Variants in RDH5 observed in about 807,000 individuals in gnomAD.
RDH5 encodes retinol dehydrogenase 5.
Under a neutral mutation model 24.0 loss-of-function variants are expected in RDH5, and 25 were observed. The observed-to-expected ratio is 1.04, with a 90% confidence interval of 0.76 to 1.46. The LOEUF (loss-of-function observed/expected upper bound fraction) is 1.46, where lower values mean the gene tolerates loss of function less well. Among genes scored for constraint, RDH5 ranks in the 40% most tolerant of loss-of-function variants. The pLI, the probability that RDH5 is intolerant of heterozygous loss-of-function variation, is 0.00. For missense variants in RDH5, 369 were observed against 410.3 expected (o/e 0.90, Z 0.87); for synonymous variants, 170 against 175.2 (o/e 0.97, Z 0.23).
intron 3 of RDH5, chr12:55,723,673 C>G (rs1355891168): frequency 8.6e-6 from 5 of 579,460 alleles, no homozygotes; most frequent in Non-Finnish European, 1.5e-5. Context: ...AAGAAAAAAA[C>G]GTGCTGACCC....
chr12:55,723,889 G>A lies in RDH5; in HGVS notation c.573G>A (p.Arg191=). The change falls in exon 4 of 5, where the codon CGG becomes CGA. Residue 191 remains arginine (R), a synonymous_variant. Transcript: ENST00000257895. ...GLEAFSDSLR[R]DVAHFGIRVS... Reference sequence around the variant, plus strand: ...CTTCGCTCTGCCCCGACTCTAGGCGGGATGTAGCTCATTTTGGGATACGAG... The same window carrying A: ...CTTCGCTCTGCCCCGACTCTAGGCGAGATGTAGCTCATTTTGGGATACGAG... 1.2e-6 allele frequency: 2 copies of A among 1,613,814 alleles called. No individual in the cohort carries two copies. Among genetic ancestry groups the A allele is most frequent in the Non-Finnish European group, 1.7e-6 (2 of 1,180,036 alleles).
At position 55,723,890 on chromosome 12, in the gene RDH5, G is replaced by T. The variant is rs1877057534; in HGVS notation, c.574G>T (p.Asp192Tyr). ...TTCGCTCTGCCCCGACTCTAGGCGG[G>T]ATGTAGCTCATTTTGGGATACGAGT... ...LEAFSDSLRRDVAHFGIRVSI... is the reference protein window; with the variant it reads ...LEAFSDSLRRYVAHFGIRVSI... The change falls in exon 4 of 5, where the codon GAT becomes TAT. Residue 192 changes from aspartate to tyrosine, a missense_variant. Coordinates refer to ENST00000257895, the MANE Select transcript of RDH5 (RefSeq NM_002905.5). The T allele has an allele frequency of 1.2e-6, 2 of 1,613,720 alleles. No homozygotes were observed. The highest frequency in any genetic ancestry group is 1.3e-5 in the African/African-American group (1 of 74,926).
rs151104839 is a variant in RDH5, at chr12:55,721,482, G to A, written c.298G>A (p.Val100Ile). 1.4e-4 allele frequency: 229 copies of A among 1,608,496 alleles called. 1 individual carries two copies. The highest frequency in any genetic ancestry group is 1.3e-3 in the African/African-American group (99 of 75,058). Residue 100 changes from valine (V) to isoleucine (I), a missense_variant, in exon 2 of 5, where the codon GTT (valine) becomes ATT (isoleucine). Val to Ile is a conservative substitution (Grantham distance 29). Transcript: ENST00000257895. The surrounding 1 kb of genome is among the most constrained non-coding windows in gnomAD (Gnocchi z 4.7). ...QQAAKWVEMH[V>I]KEAGLFGLVN... ...GGCAGCCAAGTGGGTGGAGATGCACGTTAAGGAAGCAGGTAAGTATGGTAG... is the reference window on the plus strand; with the variant it reads ...GGCAGCCAAGTGGGTGGAGATGCACATTAAGGAAGCAGGTAAGTATGGTAG...
Position 55,724,620 on chromosome 12 carries a change from C to T in RDH5, c.*75C>T. ...TATTTCTGCCCCCACCCTGGTACTG[C>T]CTGGTGCCTGCCACAAAATAAGCAC... On this transcript the variant is annotated 3_prime_UTR_variant, in exon 5 of 5. Transcript: ENST00000257895. The T allele has an allele frequency of 1.5e-6, 2 of 1,316,248 alleles. No homozygotes were observed. Among genetic ancestry groups the T allele is most frequent in the Non-Finnish European group, 2.2e-6 (2 of 927,538 alleles). The allele number at this position is 1,316,248 out of a possible 1,614,324, so 81.5% of individuals were successfully genotyped here.
At position 55,721,654 on chromosome 12, in the gene RDH5, C is replaced by A. The variant is rs775619322; in HGVS notation, c.311-35C>A. On this transcript the variant is annotated intron_variant, in intron 2 of 4. Transcript: ENST00000257895. This position sits in a 1 kb window ranked among gnomAD's most constrained non-coding sequence, Gnocchi z 4.7. ...AGAAGAGGGAGCTGTGGGAGTGCCTCACCTACCCCCAGCATCCTTTTCATC... is the reference window on the plus strand; with the variant it reads ...AGAAGAGGGAGCTGTGGGAGTGCCTAACCTACCCCCAGCATCCTTTTCATC... The A allele has an allele frequency of 2.5e-6, 4 of 1,603,902 alleles. No individual in the cohort carries two copies. The highest frequency in any genetic ancestry group is 3.4e-6 in the Non-Finnish European group (4 of 1,179,810).
chr12:55,722,211 G>A (rs1003851537), intron 3 of RDH5: 6 of 400,716 alleles, frequency 1.5e-5, no homozygotes, highest in Non-Finnish European at 2.3e-5. Context: ...GTGCAGTGGC[G>A]CGATCTTGGC....
intron 3 of RDH5, chr12:55,722,230 A>C: frequency 5.9e-6 from 2 of 341,180 alleles, no homozygotes; most frequent in African/African-American, 2.1e-5. Flanking sequence ...GCTCACCACA[A>C]TTTCCACCCC....
rs1877044899 is a variant in RDH5 at position 55,723,796 on chromosome 12, G to A, written c.570-90G>A. ...GTCAAAACTCTTGTCCCTGGTCTGT[G>A]GTAACTTTCTCAGCTCCCCAACCCA... On this transcript the variant is annotated intron_variant, in intron 3 of 4. Coordinates refer to ENST00000257895, the MANE Select transcript of RDH5 (RefSeq NM_002905.5). 2.0e-6 allele frequency: 3 copies of A among 1,468,682 alleles called. No individual in the cohort carries two copies. The South Asian group carries it at 3.4e-5, about 17-fold the overall frequency. 91.0% of individuals were successfully genotyped at this position (1,468,682 alleles called of 1,614,324 possible). A position where few individuals can be genotyped will look rare whatever the true frequency, so the allele number is the denominator to read the frequency against.
Position 55,724,468 on chromosome 12 carries a change from GCCT to G in RDH5, c.884_886del (p.Ser295del), listed in dbSNP as rs2136143155. The G allele has an allele frequency of 1.9e-6, 3 of 1,613,950 alleles. No homozygotes were observed. The highest frequency in any genetic ancestry group is 1.7e-5 in the Admixed American group (1 of 60,022). On this transcript the variant is annotated inframe_deletion, in exon 5 of 5. Coordinates refer to ENST00000257895, the MANE Select transcript of RDH5 (RefSeq NM_002905.5). ...GGATGCCAAGCTGCTCTGGCTGCCT[GCCT>G]CCTACCTGCCAGCCAGCCTGGTGGA... is the stretch of plus-strand genomic sequence containing the variant.
intron 4 of RDH5, 97 bp from the exon 5 acceptor site, chr12:55,724,225 G>A: frequency 6.7e-7 from 1 of 1,489,438 alleles, no homozygotes; most frequent in Non-Finnish European, 9.3e-7. Flanking sequence ...ACTGAGGAGG[G>A]GACTGAGGGT....
chr12:55,724,584 G>A lies in RDH5; in HGVS notation c.*39G>A. The A allele has an allele frequency of 1.3e-6, 2 of 1,581,002 alleles. No homozygotes were observed. The highest frequency in any genetic ancestry group is 1.1e-5 in the South Asian group (1 of 90,544). ...GCAAGAGATTGTTTTTCAAGGACAA[G>A]GACTTTGATTTATTTCTGCCCCCAC... is the stretch of plus-strand genomic sequence containing the variant. On this transcript the variant is annotated 3_prime_UTR_variant, in exon 5 of 5. Transcript: ENST00000257895.
rs760671255 is a variant in RDH5, at chr12:55,724,031, G to A, written c.715G>A (p.Gly239Arg). The A allele has an allele frequency of 3.1e-6, 5 of 1,611,294 alleles. No individual in the cohort carries two copies. The highest frequency in any genetic ancestry group is 2.7e-5 in the African/African-American group (2 of 74,944). ...TCCTGCCACACAGGCCCACTATGGGGGGGCCTTCCTCACCAAGTGTGAGTA... is the reference window on the plus strand; with the variant it reads ...TCCTGCCACACAGGCCCACTATGGGAGGGCCTTCCTCACCAAGTGTGAGTA... ...LPPATQAHYG[G>R]AFLTKYLKMQ... Residue 239 changes from glycine to arginine, a missense_variant, in exon 4 of 5, where the codon GGG becomes AGG. By Grantham distance (125) the Gly-to-Arg change is moderately radical. Coordinates refer to ENST00000257895, the MANE Select transcript of RDH5 (RefSeq NM_002905.5).
chr12:55,721,295 C>T lies in RDH5; in HGVS notation c.111C>T (p.Asp37=). The T allele has an allele frequency of 6.2e-7, 1 of 1,614,112 alleles. No homozygotes were observed. Among genetic ancestry groups the T allele is most frequent in the South Asian group, 1.1e-5 (1 of 91,088 alleles). The change falls in exon 2 of 5, where the codon GAC becomes GAT. Residue 37 remains aspartate, a synonymous_variant. Coordinates refer to ENST00000257895, the MANE Select transcript of RDH5 (RefSeq NM_002905.5). This position sits in a 1 kb window ranked among gnomAD's most constrained non-coding sequence, Gnocchi z 4.7. The part of the protein sequence containing the change: ...SNAFVFITGC[D]SGFGRLLALQ... ...CCTTTGTCTTCATCACCGGCTGTGA[C>T]TCAGGCTTTGGGCGCCTTCTGGCAC...
In RDH5 at chr12:55,721,260, G is replaced by T. The variant is rs762299079; in HGVS notation, c.76G>T (p.Ala26Ser). ...WLLRDRQSLP[A>S]SNAFVFITGC... ...GCTCAGGGACCGGCAGAGCCTGCCC[G>T]CCAGCAATGCCTTTGTCTTCATCAC... The change falls in exon 2 of 5, where the codon GCC becomes TCC. Residue 26 changes from alanine (A) to serine (S), a missense_variant. Physicochemically the swap from Ala to Ser is moderately conservative, Grantham distance 99. Transcript: ENST00000257895. The surrounding 1 kb of genome is among the most constrained non-coding windows in gnomAD (Gnocchi z 4.7). 8.1e-6 allele frequency: 13 copies of T among 1,613,938 alleles called. No homozygotes were observed. The highest frequency in any genetic ancestry group is 2.2e-5 in the South Asian group (2 of 91,086).
rs150493825 is a variant in RDH5, at chr12:55,724,674, AAAG to A, written c.*133_*135del. The A allele has an allele frequency of 2.1e-3, 2,017 of 950,702 alleles. 28 individuals are homozygous for A. In the African/African-American group the frequency reaches 0.029, roughly 14 times the overall value. The allele number at this position is 950,702 out of a possible 1,614,324, so 58.9% of individuals were successfully genotyped here. A position where few individuals can be genotyped will look rare whatever the true frequency, so the allele number is the denominator to read the frequency against. ...CAAAAGTGTATTGTTTAAAAAATAA[AAAG>A]AAGGTGGGCAGAAATGTGCCCAGTG... On this transcript the variant is annotated 3_prime_UTR_variant, in exon 5 of 5. Coordinates refer to ENST00000257895, the MANE Select transcript of RDH5 (RefSeq NM_002905.5).
chr12:55,720,920 C>A (rs1051849465), intron 1 of RDH5: 2 of 469,628 alleles, frequency 4.3e-6, no homozygotes, highest in Non-Finnish European at 7.7e-6. Flanking sequence ...GCCTCTGCTC[C>A]ATACAGCAGG....
Position 55,721,155 on chromosome 12 carries a change from T to C in RDH5, c.-30T>C. On this transcript the variant is annotated splice_region_variant and 5_prime_UTR_variant, in exon 2 of 5. Transcript: ENST00000257895. This position sits in a 1 kb window ranked among gnomAD's most constrained non-coding sequence, Gnocchi z 4.7. ...ACAAGTTTTTCTGCCCAGCCTAGGC[T>C]GCCACCTGTAGGTCACTTGGGCTCC... 4.3e-6 allele frequency: 7 copies of C among 1,611,120 alleles called. No homozygotes were observed. The highest frequency in any genetic ancestry group is 5.9e-6 in the Non-Finnish European group (7 of 1,177,902).
rs765993603 is a variant in RDH5, at chr12:55,721,691, C to G, written c.313C>G (p.Leu105Val). Reference sequence around the variant, plus strand: ...GCATCCTTTTCATCTCCCCACAGGGCTTTTTGGTCTGGTGAATAATGCTGG... The same window carrying G: ...GCATCCTTTTCATCTCCCCACAGGGGTTTTTGGTCTGGTGAATAATGCTGG... ...WVEMHVKEAG[L>V]FGLVNNAGVA... Residue 105 changes from leucine to valine, a missense_variant and splice_region_variant, in exon 3 of 5, where the codon CTT (leucine) becomes GTT (valine). Leu to Val is a conservative substitution (Grantham distance 32, BLOSUM62 1). Coordinates refer to ENST00000257895, the MANE Select transcript of RDH5 (RefSeq NM_002905.5). This position sits in a 1 kb window ranked among gnomAD's most constrained non-coding sequence, Gnocchi z 4.7. 4 of 1,610,806 alleles carry G rather than the reference C, an allele frequency of 2.5e-6. No individual in the cohort carries two copies. In the South Asian group the frequency reaches 4.4e-5, roughly 18 times the overall value.
At chr12:55,720,803 TAGA>T (rs1378593944) in intron 1 of RDH5, 4 of 239,278 alleles carry the variant, frequency 1.7e-5, no homozygotes, top group East Asian at 2.0e-4. Flanking sequence ...GTCCCTGGTT[TAGA>T]AGGAGAGGTG....
Sources: allele counts gnomAD v4.1 joint callset, GRCh38; gene constraint gnomAD v4.1.1; non-coding constraint Gnocchi (gnomAD v3.1); transcripts MANE v1.5; gene names NCBI Gene and HGNC (gene_info 2026-07-23, HGNC 2026-07-21).